The following FASN variants were observed in gnomAD, a reference collection of about 807,000 sequenced individuals.
FASN encodes the protein fatty acid synthase.
Under a neutral mutation model 250.0 loss-of-function variants are expected in FASN, and 50 were observed. The observed-to-expected ratio is 0.20, with a 90% confidence interval of 0.16 to 0.25. FASN has a LOEUF of 0.25. Ranked by LOEUF, FASN falls within the 10% of genes least tolerant of loss-of-function variation. The pLI is 1.00. For synonymous variants in FASN, 1,909 were observed against 1,584.0 expected (o/e 1.21, Z -4.87); for missense variants, 3,031 against 3,498.5 (o/e 0.87, Z 3.37).
Position 82,081,868 on chromosome 17 carries a change from A to G in FASN, c.6164-25T>C, listed in dbSNP as rs377052917. On this transcript the variant is annotated intron_variant, in intron 36 of 42. Coordinates refer to ENST00000306749, the MANE Select transcript of FASN (RefSeq NM_004104.5). ...CCTGTGGGGGAGGGGGCAGGTGGGC[A>G]GAGCTGCGGGGAGGTCGGGGTGGGG... 30 of 1,557,296 alleles carry G rather than the reference A, an allele frequency of 1.9e-5. No individual in the cohort carries two copies. In the African/African-American group the frequency reaches 4.0e-4, roughly 21 times the overall value.
rs774665189 is a variant in FASN, at chr17:82,080,241, G to A, written c.7048-3C>T. 17 of 1,613,046 alleles carry A rather than the reference G, an allele frequency of 1.1e-5. No individual in the cohort carries two copies. In the South Asian group the frequency reaches 1.6e-4, roughly 16 times the overall value. ...GGGGTCAGCTTTGCCCGGTAGCTCT[G>A]AGAGGAAGGAGGGACTGCTGAGCAG... is the stretch of plus-strand genomic sequence containing the variant. On this transcript the variant is annotated splice_region_variant and splice_polypyrimidine_tract_variant and intron_variant, in intron 40 of 42. Coordinates refer to ENST00000306749, the MANE Select transcript of FASN (RefSeq NM_004104.5).
At position 82,080,856 on chromosome 17, in the gene FASN, G is replaced by C. The variant is rs774233186; in HGVS notation, c.6662C>G (p.Ser2221Cys). The stretch of plus-strand genomic sequence containing the variant: ...GGGGCCCTCCGGGTTCACCAGCAGG[G>C]AGCGCAGGTTCAGCTGAGTCTGCTG... Reference protein sequence around the residue: ...AQQQTQLNLRSLLVNPEGPTL... With the variant: ...AQQQTQLNLRCLLVNPEGPTL... The change falls in exon 39 of 43, where the codon TCC (serine) becomes TGC (cysteine). Residue 2221 changes from serine to cysteine, a missense_variant. By Grantham distance (112) the Ser-to-Cys change is moderately radical. Coordinates refer to ENST00000306749, the MANE Select transcript of FASN (RefSeq NM_004104.5). 3 of 1,611,578 alleles carry C rather than the reference G, an allele frequency of 1.9e-6. No homozygotes were observed. The highest frequency in any genetic ancestry group is 2.5e-6 in the Non-Finnish European group (3 of 1,179,620).
Position 82,078,653 on chromosome 17 carries a change from G to A in FASN, c.*490C>T. ...CCCACGACCCCCCACTCAGCGGGCT[G>A]AGCCAATGCCTGGCCGAGAGGGGGC... On this transcript the variant is annotated 3_prime_UTR_variant, in exon 43 of 43. Coordinates refer to ENST00000306749, the MANE Select transcript of FASN (RefSeq NM_004104.5). This position sits in a 1 kb window ranked among gnomAD's most constrained non-coding sequence, Gnocchi z 5.4. 4.4e-6 allele frequency: 1 copy of A among 229,444 alleles called. No individual in the cohort carries two copies. Among genetic ancestry groups the A allele is most frequent in the South Asian group, 5.8e-5 (1 of 17,138 alleles). The allele number at this position is 229,444 out of a possible 1,614,324, so 14.2% of individuals were successfully genotyped here. A position where few individuals can be genotyped will look rare whatever the true frequency, so the allele number is the denominator to read the frequency against.
chr17:82,097,713 G>GC (rs1010386722), intron 1 of FASN, among the ~76,000 whole-genome samples: 10 of 151,952 alleles, frequency 6.6e-5, no homozygotes, highest in South Asian at 2.1e-4. Flanking sequence ...CGGCCCCTGC[G>GC]CCCCCCCGTT....
chr17:82,089,598 G>T, intron 12 of FASN, 34 bp downstream of exon 12: 1 of 1,566,814 alleles, frequency 6.4e-7, no homozygotes, highest in Non-Finnish European at 8.7e-7. Context: ...CAGGCGCAGG[G>T]GACAGAGGAG....
intron 11 of FASN, among the ~76,000 whole-genome samples, chr17:82,090,005 C>G (rs565293755): frequency 6.6e-6 from 1 of 152,356 alleles, no homozygotes; most frequent in South Asian, 2.1e-4. Context: ...GTCCTGCCCA[C>G]ATGTGGCCCA....
In FASN at chr17:82,084,135, G is replaced by A; in HGVS notation, c.4938C>T (p.Ala1646=). The change falls in exon 29 of 43, where the codon GCC becomes GCT. Residue 1646 remains alanine (A), a synonymous_variant. Transcript: ENST00000306749. The stretch of plus-strand genomic sequence containing the variant: ...CCGTGCTGTAGACGACAGGCACCGA[G>A]GCCGCCTCCTCCAGCGTCCTGGGGA... ...VPSNWTLEEA[A]SVPVVYSTAY... 6.3e-7 allele frequency: 1 copy of A among 1,591,116 alleles called. No individual in the cohort carries two copies. The highest frequency in any genetic ancestry group is 8.5e-7 in the Non-Finnish European group (1 of 1,170,172).
chr17:82,090,736 C>G, intron 10 of FASN, 146 bp downstream of exon 10: 2 of 1,096,246 alleles, frequency 1.8e-6, no homozygotes, highest in Non-Finnish European at 2.7e-6. Context: ...GACCCCTCCT[C>G]CCCTCCCGTC....
At chr17:82,095,724 G>C (rs1329264919) in intron 2 of FASN, among the ~76,000 whole-genome samples, 1 of 152,232 alleles carries the variant, frequency 6.6e-6, no homozygotes, top group Non-Finnish European at 1.5e-5. Context: ...GCAGAGCAGA[G>C]AGCTCGGCGG....
Position 82,094,225 on chromosome 17 carries a change from C to T in FASN, c.281-454G>A, listed in dbSNP as rs1265778674. ...AGGCCGTGATAAGGAACCGAGGAGA[C>T]AAAGGCCAAGTGTCCAGGCTCGGGA... On this transcript the variant is annotated intron_variant, in intron 3 of 42. Coordinates refer to ENST00000306749, the MANE Select transcript of FASN (RefSeq NM_004104.5). The T allele has an allele frequency of 1.8e-5, 5 of 272,288 alleles. No homozygotes were observed. The Admixed American group carries it at 2.4e-4, about 13-fold the overall frequency. 16.9% of individuals were successfully genotyped at this position (272,288 alleles called of 1,614,324 possible).
rs745592791 is a variant in FASN at position 82,085,117 on chromosome 17, G to A, written c.4327C>T (p.Leu1443=). The A allele has an allele frequency of 6.8e-6, 11 of 1,612,522 alleles. No homozygotes were observed. In the African/African-American group the frequency reaches 1.1e-4, roughly 16 times the overall value. ...GAGGTGGCACAGTTGATGGCCTTCAGCCACACAGGCCGGGAAGAGTCTTCG... is the reference window on the plus strand; with the variant it reads ...GAGGTGGCACAGTTGATGGCCTTCAACCACACAGGCCGGGAAGAGTCTTCG... ...ADEDSSRPVW[L]KAINCATSGV... is the part of the protein sequence containing the mutation. Residue 1443 remains leucine (L), a synonymous_variant, in exon 25 of 43, where the codon CTG becomes TTG. Transcript: ENST00000306749.
At position 82,091,086 on chromosome 17, in the gene FASN, G is replaced by A. The variant is rs776431064; in HGVS notation, c.1493-17C>T. ...TGCCCATCCCTGTCCCAGAGAGCAC[G>A]TCACGAGGCTCAGCCCCATCCCGTG... On this transcript the variant is annotated splice_polypyrimidine_tract_variant and intron_variant, in intron 9 of 42. Transcript: ENST00000306749. 9.9e-6 allele frequency: 16 copies of A among 1,608,492 alleles called. No individual in the cohort carries two copies. The highest frequency in any genetic ancestry group is 5.0e-5 in the Admixed American group (3 of 59,928).
chr17:82,082,496 T>C (rs1389174982), intron 34 of FASN, 31 bp downstream of exon 34: 2 of 1,609,886 alleles, frequency 1.2e-6, no homozygotes, highest in Non-Finnish European at 1.7e-6. Flanking sequence ...TCTTGGGGCT[T>C]TTGAGGGCCC....
In FASN at chr17:82,085,485, G is replaced by A. The variant is rs1263579319; in HGVS notation, c.4119C>T (p.Ser1373=). ...TCCCCCTGCCCGGCGGCCGCACCTG[G>A]CTCAGGATGCCCTGGCCATACTGCG... ...TEPQYGQGIL[S]QDAWESLFSR... is the part of the protein sequence containing the mutation. The change falls in exon 23 of 43, where the codon AGC becomes AGT. Residue 1373 remains serine (S), a synonymous_variant. Transcript: ENST00000306749. The A allele has an allele frequency of 6.3e-7, 1 of 1,591,390 alleles. No homozygotes were observed. The highest frequency in any genetic ancestry group is 1.8e-5 in the Admixed American group (1 of 57,018).
chr17:82,085,979 C>G (rs2034091338), intron 22 of FASN, 108 bp from the exon 23 acceptor site: 1 of 1,357,738 alleles, frequency 7.4e-7, no homozygotes, highest in Admixed American at 2.6e-5. Context: ...GCTTCCCCGT[C>G]AACCTGATGA....
At chr17:82,086,966 G>C in intron 21 of FASN, 84 bp downstream of exon 21, 1 of 1,514,152 alleles carries the variant, frequency 6.6e-7, no homozygotes, top group Admixed American at 1.8e-5. Context: ...GCCCCGTGGA[G>C]AAGCAAGTCT....
At chr17:82,093,506 C>T (rs2034250461) in intron 4 of FASN, 87 bp from the exon 5 acceptor site, 1 of 1,595,262 alleles carries the variant, frequency 6.3e-7, no homozygotes. Flanking sequence ...TGGACACACA[C>T]TGCACGGAGT....
Position 82,091,696 on chromosome 17 carries a change from C to T in FASN, c.1030-12G>A, listed in dbSNP as rs750644242. ...AGGGACAGCAGCACCTGCGGGGGTA[C>T]GTGGTGGATGGGCAGCCGCCCCACT... On this transcript the variant is annotated splice_polypyrimidine_tract_variant and intron_variant, in intron 8 of 42. Coordinates refer to ENST00000306749, the MANE Select transcript of FASN (RefSeq NM_004104.5). 2.6e-5 allele frequency: 40 copies of T among 1,560,100 alleles called. No homozygotes were observed. In the African/African-American group the frequency reaches 3.0e-4, roughly 12 times the overall value.
rs745592461 is a variant in FASN, at chr17:82,082,093, C to T, written c.6079G>A (p.Gly2027Ser). Residue 2027 changes from glycine (G) to serine (S), a missense_variant, in exon 36 of 43, where the codon GGC (glycine) becomes AGC (serine). Physicochemically the swap from Gly to Ser is moderately conservative, Grantham distance 56 (BLOSUM62 0). Transcript: ENST00000306749. ...VVFSSVSCGR[G>S]NAGQSNYGFA... The stretch of plus-strand genomic sequence containing the variant: ...CCGTAGTTGCTCTGTCCCGCATTGC[C>T]ACGCCCGCAGCTCACAGAGGAGAAG... 1 of 1,609,572 alleles carries T rather than the reference C, an allele frequency of 6.2e-7. No individual in the cohort carries two copies. The highest frequency in any genetic ancestry group is 8.5e-7 in the Non-Finnish European group (1 of 1,179,982).
Sources: gnomAD v4.1 joint callset for allele counts (sites outside exome capture counted in the v4.1 genomes callset) on GRCh38, gnomAD v4.1.1 for gene constraint, Gnocchi (gnomAD v3.1) non-coding constraint, MANE v1.5 for transcripts, NCBI Gene and HGNC (gene_info 2026-07-23, HGNC 2026-07-21) for gene names.